PDE10A: variants seen among roughly 807,000 people sequenced by gnomAD.
PDE10A encodes the protein cAMP and cAMP-inhibited cGMP 3',5'-cyclic phosphodiesterase 10A.
Under a neutral mutation model 97.7 loss-of-function variants are expected in PDE10A, and 39 were observed. The ratio of observed to expected loss-of-function variants is 0.40; its 90% confidence interval spans 0.31 to 0.52. The LOEUF (loss-of-function observed/expected upper bound fraction) is 0.52. Ranked by LOEUF, PDE10A falls within the 20% of genes least tolerant of loss-of-function variation. The pLI is 0.56. For synonymous variants in PDE10A, 371 were observed against 376.8 expected (o/e 0.98, Z 0.18); for missense variants, 731 against 1,047.8 (o/e 0.70, Z 4.17).
At chr6:165,521,787 T>C (rs1334543058) in intron 2 of PDE10A, among the ~76,000 whole-genome samples, 3 of 152,170 alleles carry the variant, frequency 2.0e-5, no homozygotes, top group Admixed American at 6.5e-5. Flanking sequence ...AAAAGCTCAA[T>C]GTGAAGCAGG....
At chr6:165,360,938 A>T (rs932887076) in intron 18 of PDE10A, among the ~76,000 whole-genome samples, 2 of 152,180 alleles carry the variant, frequency 1.3e-5, no homozygotes, top group East Asian at 3.9e-4. Flanking sequence ...TGGGGGGTTC[A>T]TTACTTAAGG....
chr6:165,779,070 G>A (rs1311793042), intron 1 of PDE10A, among the ~76,000 whole-genome samples: 1 of 152,110 alleles, frequency 6.6e-6, no homozygotes, highest in African/African-American at 2.4e-5. Flanking sequence ...AGTGCTTTTA[G>A]TTCTTAAGAT....
At chr6:165,357,005 G>A (rs900464940) in intron 18 of PDE10A, among the ~76,000 whole-genome samples, 4 of 152,008 alleles carry the variant, frequency 2.6e-5, no homozygotes, top group African/African-American at 7.2e-5. Flanking sequence ...CTATCATCAC[G>A]GGGGCTATGA....
chr6:165,677,883 T>A (rs900602000), intron 1 of PDE10A, among the ~76,000 whole-genome samples: 16 of 152,094 alleles, frequency 1.1e-4, no homozygotes, highest in Admixed American at 6.6e-4. Context: ...TGTTTGAGTG[T>A]ATATGCATGG....
chr6:165,527,691 C>A (rs977174608), intron 2 of PDE10A, among the ~76,000 whole-genome samples: 5 of 152,162 alleles, frequency 3.3e-5, no homozygotes, highest in Admixed American at 3.3e-4. Context: ...ATTCTATCAT[C>A]AAATGGAAGT....
At chr6:165,652,689 A>G (rs1259488789) in intron 1 of PDE10A, among the ~76,000 whole-genome samples, 2 of 152,110 alleles carry the variant, frequency 1.3e-5, no homozygotes, top group African/African-American at 4.8e-5. Context: ...TTTCCAACAG[A>G]GTAAACTGCT....
chr6:165,784,078 C>T (rs1471607195), intron 1 of PDE10A, among the ~76,000 whole-genome samples: 9 of 151,818 alleles, frequency 5.9e-5, no homozygotes, highest in Non-Finnish European at 1.0e-4. Flanking sequence ...ATTAGCTGGG[C>T]GTTGTTGCAT....
At chr6:165,741,675 A>G (rs935842905) in intron 1 of PDE10A, among the ~76,000 whole-genome samples, 3 of 152,224 alleles carry the variant, frequency 2.0e-5, no homozygotes, top group African/African-American at 7.2e-5. Context: ...GGATATATAC[A>G]TATATAGTAA....
chr6:165,545,059 A>G (rs1444352021), intron 1 of PDE10A: 1 of 438,232 alleles, frequency 2.3e-6, no homozygotes, highest in African/African-American at 2.1e-5. Context: ...AGCTGATAGC[A>G]TACTTGACCT....
chr6:165,656,111 A>G (rs1367234919), intron 1 of PDE10A, among the ~76,000 whole-genome samples: 1 of 151,914 alleles, frequency 6.6e-6, no homozygotes, highest in Non-Finnish European at 1.5e-5. Flanking sequence ...TGTGGGCACC[A>G]TACAAGCAGA....
At chr6:165,796,958 C>G (rs1000169162) in intron 1 of PDE10A, among the ~76,000 whole-genome samples, 12 of 152,172 alleles carry the variant, frequency 7.9e-5, no homozygotes, top group African/African-American at 2.9e-4. Flanking sequence ...CCTGTATTTC[C>G]TGTATTCTGG....
At chr6:165,866,097 T>G (rs1389756760) in intron 1 of PDE10A, among the ~76,000 whole-genome samples, 1 of 151,868 alleles carries the variant, frequency 6.6e-6, no homozygotes, top group Non-Finnish European at 1.5e-5. Flanking sequence ...ACACCACAAA[T>G]GTAAGTGGTT....
intron 1 of PDE10A, among the ~76,000 whole-genome samples, chr6:165,744,818 G>A (rs923918265): frequency 6.7e-6 from 1 of 149,978 alleles, no homozygotes; most frequent in Non-Finnish European, 1.5e-5. Context: ...ATCCAGCCCA[G>A]GGTTTTAAAT....
chr6:165,719,403 T>C (rs1040727697), intron 1 of PDE10A, among the ~76,000 whole-genome samples: 3 of 152,210 alleles, frequency 2.0e-5, no homozygotes, highest in Non-Finnish European at 4.4e-5. Context: ...TGCTGTTCTA[T>C]TTCTTAACAG....
chr6:165,957,200 C>T (rs1247564458), intron 1 of PDE10A, among the ~76,000 whole-genome samples: 2 of 152,154 alleles, frequency 1.3e-5, no homozygotes, highest in African/African-American at 4.8e-5. Context: ...AGAGCACAGG[C>T]CCAGCCCAGT....
At chr6:165,427,165 T>G (rs746803096) in intron 10 of PDE10A, among the ~76,000 whole-genome samples, 1 of 152,092 alleles carries the variant, frequency 6.6e-6, no homozygotes, top group Non-Finnish European at 1.5e-5. Context: ...TGTAGAGGCA[T>G]GTCCACAGCA....
chr6:165,376,896 TGAACAA>T (rs1784637170), intron 18 of PDE10A, among the ~76,000 whole-genome samples: 1 of 152,100 alleles, frequency 6.6e-6, no homozygotes. Context: ...GTTGACAGGC[TGAACAA>T]GACCCCATCT....
At chr6:165,848,292 C>T (rs1780478828) in intron 1 of PDE10A, among the ~76,000 whole-genome samples, 2 of 152,190 alleles carry the variant, frequency 1.3e-5, no homozygotes, top group African/African-American at 2.4e-5. Flanking sequence ...GTCCCCCACA[C>T]AGCTGCCATT....
chr6:165,818,085 A>G (rs10806834), intron 1 of PDE10A, among the ~76,000 whole-genome samples: 106,317 of 152,124 alleles, frequency 0.7, 37,486 homozygotes, highest in East Asian at 0.98. Flanking sequence ...AGAACGCTCA[A>G]TTGTGATGAG....
Sources: allele counts gnomAD v4.1 joint callset (sites outside exome capture counted in the v4.1 genomes callset), GRCh38; gene constraint gnomAD v4.1.1; transcripts MANE v1.5; gene names NCBI Gene and HGNC (gene_info 2026-07-23, HGNC 2026-07-21).